PPP4R3B: variants seen among roughly 807,000 people sequenced by gnomAD.
PPP4R3B encodes the protein serine/threonine-protein phosphatase 4 regulatory subunit 3B.
In PPP4R3B, 52 loss-of-function variants were observed where a neutral mutation model predicts 95.4. That is an observed-to-expected ratio of 0.54 (90% confidence interval 0.44 to 0.69). The LOEUF (loss-of-function observed/expected upper bound fraction) is 0.69. Among genes scored for constraint, PPP4R3B ranks in the 30% least tolerant of loss-of-function variants. The pLI is 0.00. For missense variants in PPP4R3B, 1,003 were observed against 1,005.9 expected (o/e 1.00, Z 0.04); for synonymous variants, 407 against 343.9 (o/e 1.18, Z -2.03).
At chr2:55,602,425 C>A (rs1207407584) in intron 3 of PPP4R3B, among the ~76,000 whole-genome samples, 1 of 152,156 alleles carries the variant, frequency 6.6e-6, no homozygotes, top group African/African-American at 2.4e-5. Context: ...TCAGAATATC[C>A]TGCTTCATAA....
intron 12 of PPP4R3B, among the ~76,000 whole-genome samples, chr2:55,568,759 G>T (rs1687614591): frequency 6.6e-6 from 1 of 152,226 alleles, no homozygotes; most frequent in Admixed American, 6.5e-5. Context: ...AGACAACGCA[G>T]TGAAGGCAGC....
At chr2:55,578,208 A>G in intron 10 of PPP4R3B, 39 bp downstream of exon 10, 2 of 1,346,470 alleles carry the variant, frequency 1.5e-6, no homozygotes, top group Non-Finnish European at 1.9e-6. Context: ...ATAACAACAT[A>G]AGTAAATATA....
At chr2:55,581,798 G>GA in intron 7 of PPP4R3B, 100 bp from the exon 8 acceptor site, 8 of 1,261,864 alleles carry the variant, frequency 6.3e-6, no homozygotes, top group Non-Finnish European at 8.4e-6. Flanking sequence ...GAATTATATA[G>GA]AGAAAAAACG....
chr2:55,557,902 T>C (rs1211147491), intron 16 of PPP4R3B, among the ~76,000 whole-genome samples: 2 of 152,174 alleles, frequency 1.3e-5, no homozygotes, highest in Non-Finnish European at 2.9e-5. Context: ...CCAAGGGAAA[T>C]ACATTTGTTA....
In PPP4R3B at chr2:55,558,727, C is replaced by T. The variant is rs750881536; in HGVS notation, c.2454+48G>A. On this transcript the variant is annotated intron_variant, in intron 16 of 16. Coordinates refer to ENST00000616407, the MANE Select transcript of PPP4R3B (RefSeq NM_001122964.3). ...TTTTTTTCAGTAAACATGAAAAAAT[C>T]TCACAGACGGGAAAAGCAAAGTTTG... The T allele has an allele frequency of 5.2e-6, 7 of 1,353,054 alleles. No individual in the cohort carries two copies. The South Asian group carries it at 9.6e-5, about 18-fold the overall frequency. The allele number at this position is 1,353,054 out of a possible 1,614,324, so 83.8% of individuals were successfully genotyped here.
In PPP4R3B at chr2:55,577,359, A is replaced by T; in HGVS notation, c.1565-3T>A. ...TTTGTTTGATCCAACTATATTATCT[A>T]ATAAAAAAATTAAAAATTAAAATAA... On this transcript the variant is annotated splice_polypyrimidine_tract_variant and splice_region_variant and intron_variant, in intron 10 of 16. Transcript: ENST00000616407. The T allele has an allele frequency of 6.7e-7, 1 of 1,491,068 alleles. No homozygotes were observed. Among genetic ancestry groups the T allele is most frequent in the Non-Finnish European group, 8.9e-7 (1 of 1,122,110 alleles). 92.4% of individuals were successfully genotyped at this position (1,491,068 alleles called of 1,614,324 possible).
At chr2:55,581,803 A>C in intron 7 of PPP4R3B, 105 bp from the exon 8 acceptor site, 3 of 1,208,762 alleles carry the variant, frequency 2.5e-6, no homozygotes, top group Non-Finnish European at 2.2e-6. Context: ...ATATAGAGAA[A>C]AAACGAAGAA....
At chr2:55,562,624 G>C (rs1686775914) in intron 15 of PPP4R3B, among the ~76,000 whole-genome samples, 1 of 152,160 alleles carries the variant, frequency 6.6e-6, no homozygotes, top group African/African-American at 2.4e-5. Flanking sequence ...AAACTACCCA[G>C]TCTTAGGTAG....
At chr2:55,586,032 G>GA (rs556976040) in intron 6 of PPP4R3B, among the ~76,000 whole-genome samples, 15 of 149,118 alleles carry the variant, frequency 1.0e-4, no homozygotes, top group South Asian at 2.1e-4. Context: ...GGATTAGCAG[G>GA]AAAAAAAAAG....
In PPP4R3B at chr2:55,578,334, A is replaced by T. The variant is rs1010206202; in HGVS notation, c.1477T>A (p.Leu493Ile). The change falls in exon 10 of 17, where the codon TTA becomes ATA. Residue 493 changes from leucine (L) to isoleucine (I), a missense_variant. By Grantham distance (5) the Leu-to-Ile change is conservative. Around this residue, in one of 3 missense-constraint regions of PPP4R3B, gnomAD observed 695 missense variants for 686.2 expected, o/e 1.01. Coordinates refer to ENST00000616407, the MANE Select transcript of PPP4R3B (RefSeq NM_001122964.3). The part of the protein sequence containing the change: ...SEDKCEKDFF[L>I]KHYRYSWSFI... ...CTCCAACTATATCTGTAATGTTTTAAAAAAAAATCTGAAAAAAAATATGGC... is the reference window on the plus strand; with the variant it reads ...CTCCAACTATATCTGTAATGTTTTATAAAAAAATCTGAAAAAAAATATGGC... 2.8e-6 allele frequency: 4 copies of T among 1,407,928 alleles called. No individual in the cohort carries two copies. In the African/African-American group the frequency reaches 5.9e-5, roughly 21 times the overall value. 87.2% of individuals were successfully genotyped at this position (1,407,928 alleles called of 1,614,324 possible).
At chr2:55,550,150 G>T (rs1402953721) in intron 16 of PPP4R3B, 144 bp from the exon 17 acceptor site, 7 of 632,744 alleles carry the variant, frequency 1.1e-5, no homozygotes, top group African/African-American at 1.9e-5. Flanking sequence ...TAAAGGAACT[G>T]CTTGAAATTA....
intron 15 of PPP4R3B, among the ~76,000 whole-genome samples, chr2:55,559,519 A>G (rs753619581): frequency 2.0e-5 from 3 of 152,136 alleles, no homozygotes; most frequent in Non-Finnish European, 4.4e-5. Context: ...GGACCTGGTG[A>G]GAGGTGACTG....
chr2:55,576,301 T>C (rs1688651663), intron 11 of PPP4R3B, among the ~76,000 whole-genome samples: 1 of 151,678 alleles, frequency 6.6e-6, no homozygotes, highest in Non-Finnish European at 1.5e-5. Context: ...TGAGCCGAAA[T>C]TGTGCCACTG....
chr2:55,589,493 G>A (rs1332675577), intron 4 of PPP4R3B, among the ~76,000 whole-genome samples: 1 of 152,088 alleles, frequency 6.6e-6, no homozygotes, highest in Admixed American at 6.6e-5. Context: ...ACGTTCTTGC[G>A]GTCCCCAAGG....
intron 2 of PPP4R3B, 161 bp downstream of exon 2, chr2:55,615,288 CTT>C (rs70954138): frequency 1.7e-6 from 1 of 602,212 alleles, no homozygotes; most frequent in African/African-American, 1.9e-5. Context: ...AGTACAAAAA[CTT>C]TTTTTCAGTC....
At chr2:55,581,847 C>A in intron 7 of PPP4R3B, 149 bp from the exon 8 acceptor site, 3 of 727,678 alleles carry the variant, frequency 4.1e-6, no homozygotes, top group East Asian at 3.3e-5. Flanking sequence ...ATTCCTAATG[C>A]TTTTGAAAGT....
In PPP4R3B at chr2:55,588,331, T is replaced by C. The variant is rs936830620; in HGVS notation, c.999+548A>G. 3.3e-5 allele frequency among the ~76,000 whole-genome samples: 5 copies of C among 151,964 alleles called. No homozygotes were observed. In the South Asian group the frequency reaches 6.2e-4, roughly 19 times the overall value. ...GAGTTCGAGACCAGCCTGACCAACA[T>C]GGAGAAATCCTGTCTCTACTAAAAA... On this transcript the variant is annotated intron_variant, in intron 5 of 16. Transcript: ENST00000616407.
chr2:55,563,758 A>T (rs1157333888), intron 15 of PPP4R3B, among the ~76,000 whole-genome samples: 2 of 152,198 alleles, frequency 1.3e-5, no homozygotes, highest in Non-Finnish European at 2.9e-5. Flanking sequence ...ACAGAAGTAA[A>T]ATGGTTAGTT....
intron 15 of PPP4R3B, among the ~76,000 whole-genome samples, chr2:55,562,501 T>C (rs1339074665): frequency 6.6e-6 from 1 of 152,170 alleles, no homozygotes; most frequent in East Asian, 1.9e-4. Flanking sequence ...ATGGTTAAGA[T>C]ATGCTTGCTT....
Sources: allele counts gnomAD v4.1 joint callset (sites outside exome capture counted in the v4.1 genomes callset), GRCh38; gene constraint gnomAD v4.1.1; regional missense constraint gnomAD v4.1.1; transcripts MANE v1.5; gene names NCBI Gene and HGNC (gene_info 2026-07-23, HGNC 2026-07-21).